Variants in PAPPA observed in about 807,000 individuals in gnomAD.
PAPPA encodes the protein pappalysin-1.
PAPPA carries 60 observed loss-of-function variants against 164.0 expected under a neutral mutation model. The observed-to-expected ratio is 0.37, with a 90% CI of 0.30 to 0.45. The LOEUF (loss-of-function observed/expected upper bound fraction) is 0.45. Ranked by LOEUF, PAPPA falls within the 20% of genes least tolerant of loss-of-function variation. PAPPA has a pLI of 1.00. For missense variants in PAPPA, 1,782 were observed against 2,087.3 expected (o/e 0.85, Z 2.85); for synonymous variants, 875 against 814.1 (o/e 1.07, Z -1.27).
At chr9:116,212,119 A>G (rs561149392) in intron 4 of PAPPA, among the ~76,000 whole-genome samples, 187 bp downstream of exon 4, 11 of 152,292 alleles carry the variant, frequency 7.2e-5, no homozygotes, top group South Asian at 2.1e-4. Context: ...AGAAAATGGA[A>G]TTGTTGGACT....
rs1351132600 is a variant in PAPPA at position 116,400,027 on chromosome 9, GAAAAAGAA to G, written c.*3413_*3420del. On this transcript the variant is annotated 3_prime_UTR_variant, in exon 22 of 22. Coordinates refer to ENST00000328252, the MANE Select transcript of PAPPA (RefSeq NM_002581.5). ...ATAGGTCTTACCTGTGTGAAAGAAA[GAAAAAGAA>G]AGAAAGAAAGAAAGAGAAAGGAAAT... 6.6e-6 allele frequency: 1 copy of G among 151,802 alleles called. No homozygotes were observed. The allele number at this position is 151,802 out of a possible 1,614,324, so 9.4% of individuals were successfully genotyped here.
At chr9:116,164,346 C>A (rs1380014235) in intron 1 of PAPPA, among the ~76,000 whole-genome samples, 2 of 152,150 alleles carry the variant, frequency 1.3e-5, no homozygotes, top group African/African-American at 4.8e-5. Flanking sequence ...TTTCTCCAAA[C>A]AAGATAAAGA....
At chr9:116,383,290 T>C (rs982247209) in intron 21 of PAPPA, among the ~76,000 whole-genome samples, 1 of 152,188 alleles carries the variant, frequency 6.6e-6, no homozygotes, top group Non-Finnish European at 1.5e-5. Context: ...TTGTGATGAA[T>C]GAGTTAATGG....
chr9:116,305,378 A>C (rs75829166), intron 10 of PAPPA, among the ~76,000 whole-genome samples: 23,856 of 151,494 alleles, frequency 0.16, 2,263 homozygotes, highest in Non-Finnish European at 0.22. Context: ...GGAGGCTCTT[A>C]GAAGTTGGGC....
intron 4 of PAPPA, among the ~76,000 whole-genome samples, chr9:116,215,139 A>G (rs549678927): frequency 6.6e-6 from 1 of 152,328 alleles, no homozygotes; most frequent in African/African-American, 2.4e-5. Context: ...GGACATGAAC[A>G]GAAGTGGAAT....
chr9:116,291,237 T>C (rs78795538), intron 9 of PAPPA, among the ~76,000 whole-genome samples: 1,565 of 152,286 alleles, frequency 0.01, 15 homozygotes, highest in Admixed American at 0.021. Context: ...TACTCTAATA[T>C]GTGCTACCTT....
intron 1 of PAPPA, among the ~76,000 whole-genome samples, chr9:116,178,983 G>A (rs1843869123): frequency 6.6e-6 from 1 of 152,210 alleles, no homozygotes; most frequent in Non-Finnish European, 1.5e-5. Flanking sequence ...ATAAGTCTGT[G>A]TATTATTAAA....
At chr9:116,201,665 T>C (rs1003472169) in intron 2 of PAPPA, among the ~76,000 whole-genome samples, 11 of 152,190 alleles carry the variant, frequency 7.2e-5, no homozygotes, top group Admixed American at 3.9e-4. Context: ...CCTTTCTTGG[T>C]TGAATTTTCT....
At chr9:116,207,369 G>A (rs1844248678) in intron 2 of PAPPA, 87 bp from the exon 3 acceptor site, 2 of 1,061,912 alleles carry the variant, frequency 1.9e-6, no homozygotes, top group South Asian at 1.8e-5. Context: ...AAAATGCCTG[G>A]CACTCATAGT....
At chr9:116,190,600 C>T (rs955167394) in intron 2 of PAPPA, among the ~76,000 whole-genome samples, 11 of 152,184 alleles carry the variant, frequency 7.2e-5, no homozygotes, top group African/African-American at 1.7e-4. Context: ...GGGAGAGTGG[C>T]GCTACTAAAG....
intron 1 of PAPPA, among the ~76,000 whole-genome samples, chr9:116,159,788 T>C (rs1843646381): frequency 6.6e-6 from 1 of 152,194 alleles, no homozygotes; most frequent in African/African-American, 2.4e-5. Flanking sequence ...TCCAGAGATA[T>C]GGAACTCGGG....
At chr9:116,232,507 A>G (rs763636097) in intron 6 of PAPPA, among the ~76,000 whole-genome samples, 1 of 152,200 alleles carries the variant, frequency 6.6e-6, no homozygotes, top group Non-Finnish European at 1.5e-5. Flanking sequence ...GCCTGGACCA[A>G]CAATATCATA....
chr9:116,313,990 G>A (rs1367949813), intron 10 of PAPPA, among the ~76,000 whole-genome samples: 3 of 146,272 alleles, frequency 2.1e-5, no homozygotes, highest in Non-Finnish European at 4.5e-5. Context: ...CACGCTTAAA[G>A]CACTTAGGAC....
chr9:116,199,042 T>C (rs768669403), intron 2 of PAPPA, among the ~76,000 whole-genome samples: 11 of 152,188 alleles, frequency 7.2e-5, no homozygotes, highest in Non-Finnish European at 1.3e-4. Flanking sequence ...TTAAAAGTAA[T>C]GTTGAAAACC....
chr9:116,220,074 A>G lies in PAPPA; in HGVS notation c.2056A>G (p.Thr686Ala), dbSNP rs35578777. The G allele has an allele frequency of 2.2e-4, 357 of 1,614,100 alleles. No homozygotes were observed. The African/African-American group carries it at 3.2e-3, about 14-fold the overall frequency. ...CGCCCCCCAAGTTCTGGGCCACACA[A>G]CGGACTCTGTGACACTGGAGTGGTT... ...ALAPQVLGHTTDSVTLEWFPP... is the reference protein window; with the variant it reads ...ALAPQVLGHTADSVTLEWFPP... The change falls in exon 5 of 22, where the codon ACG (threonine) becomes GCG (alanine). Residue 686 changes from threonine to alanine, a missense_variant. Around this residue, in one of 2 missense-constraint regions of PAPPA, gnomAD observed 1,324 missense variants for 1,656.9 expected, o/e 0.80. Transcript: ENST00000328252.
In PAPPA at chr9:116,171,806, A is replaced by T. The variant is rs148392988; in HGVS notation, c.416-15348A>T. Among the ~76,000 whole-genome samples the T allele has an allele frequency of 5.2e-3, 790 of 152,308 alleles. 12 individuals are homozygous for T. The highest frequency in any genetic ancestry group is 0.018 in the African/African-American group (760 of 41,558). On this transcript the variant is annotated intron_variant, in intron 1 of 21. Coordinates refer to ENST00000328252, the MANE Select transcript of PAPPA (RefSeq NM_002581.5). Reference sequence around the variant, plus strand: ...GCTGGCCTGGGCATTATGGATATCTAGGAGACAAAGCCCAGACAGGGAGTT... The same window carrying T: ...GCTGGCCTGGGCATTATGGATATCTTGGAGACAAAGCCCAGACAGGGAGTT...
rs1425784618 is a variant in PAPPA at position 116,227,428 on chromosome 9, T to A, written c.2112-3T>A. On this transcript the variant is annotated splice_polypyrimidine_tract_variant and splice_region_variant and intron_variant, in intron 5 of 21. Coordinates refer to ENST00000328252, the MANE Select transcript of PAPPA (RefSeq NM_002581.5). ...CATTTTCCCTCTTTCCTTGGCCTCC[T>A]AGAGAATTGGGATCAGCATGTCATC... 6.2e-7 allele frequency: 1 copy of A among 1,613,970 alleles called. No homozygotes were observed. Among genetic ancestry groups the A allele is most frequent in the Non-Finnish European group, 8.5e-7 (1 of 1,179,896 alleles).
chr9:116,266,092 T>A, intron 8 of PAPPA, 107 bp downstream of exon 8: 1 of 960,464 alleles, frequency 1.0e-6, no homozygotes, highest in Middle Eastern at 3.0e-4. Flanking sequence ...GTGCATGAGC[T>A]GTGAGCTACT....
chr9:116,261,752 TTC>T (rs1845004372), intron 7 of PAPPA, among the ~76,000 whole-genome samples: 2 of 152,320 alleles, frequency 1.3e-5, no homozygotes, highest in Non-Finnish European at 1.5e-5. Flanking sequence ...CAGTATGACT[TTC>T]TGAGGCAGAA....
Sources: gnomAD v4.1 joint callset for allele counts (sites outside exome capture counted in the v4.1 genomes callset) on GRCh38, gnomAD v4.1.1 for gene constraint, gnomAD v4.1.1 regional missense constraint, MANE v1.5 for transcripts, NCBI Gene and HGNC (gene_info 2026-07-23, HGNC 2026-07-21) for gene names.